CACNA1C: variants seen among roughly 807,000 people sequenced by gnomAD.
CACNA1C encodes voltage-dependent L-type calcium channel subunit alpha-1C.
A neutral mutation model predicts 229.0 loss-of-function variants in CACNA1C; 30 were observed. The observed-to-expected ratio is 0.13, with a 90% confidence interval of 0.10 to 0.18. The LOEUF (loss-of-function observed/expected upper bound fraction) is 0.18. Among genes scored for constraint, CACNA1C ranks in the 10% least tolerant of loss-of-function variants. The pLI is 1.00. For missense variants in CACNA1C, 1,658 were observed against 2,845.0 expected (o/e 0.58, Z 9.49); for synonymous variants, 1,114 against 1,132.5 (o/e 0.98, Z 0.33).
intron 3 of CACNA1C, among the ~76,000 whole-genome samples, chr12:2,256,047 C>CAATCACACTATCCTGACCTGACTAG (rs2077475642): frequency 5.3e-5 from 1 of 18,932 alleles, no homozygotes; most frequent in Non-Finnish European, 1.3e-4. Flanking sequence ...GACCTGACTA[C>CAATCACACTATCCTGACCTGACTAG]TTTACAATCA....
chr12:2,384,258 G>A (rs901120472), intron 3 of CACNA1C, among the ~76,000 whole-genome samples: 1 of 152,182 alleles, frequency 6.6e-6, no homozygotes, highest in African/African-American at 2.4e-5. Flanking sequence ...TCATATTCTC[G>A]AAGATGTTTG....
intron 11 of CACNA1C, among the ~76,000 whole-genome samples, chr12:2,562,599 A>C (rs193051656): frequency 6.6e-6 from 1 of 152,330 alleles, no homozygotes; most frequent in Admixed American, 6.5e-5. Flanking sequence ...GTCGCCTCTC[A>C]AGAGGACCAT....
At chr12:2,387,536 CGAAA>C (rs145897152) in intron 3 of CACNA1C, among the ~76,000 whole-genome samples, 2,231 of 150,252 alleles carry the variant, frequency 0.015, 19 homozygotes, top group African/African-American at 0.026. Flanking sequence ...GAACTAAGAG[CGAAA>C]GAAAGAAAGA....
At chr12:2,081,397 C>T (rs1303001325) in intron 1 of CACNA1C, among the ~76,000 whole-genome samples, 3 of 152,148 alleles carry the variant, frequency 2.0e-5, no homozygotes, top group South Asian at 4.2e-4. Flanking sequence ...AGTGAAACCC[C>T]GTCTCTACTA....
chr12:2,164,131 T>C (rs1401762122), intron 3 of CACNA1C, among the ~76,000 whole-genome samples: 1 of 152,194 alleles, frequency 6.6e-6, no homozygotes, highest in Non-Finnish European at 1.5e-5. Flanking sequence ...CCAGAATGTA[T>C]GTGACCTCAT....
chr12:2,332,061 C>T (rs1182483834), intron 3 of CACNA1C, among the ~76,000 whole-genome samples: 1 of 152,156 alleles, frequency 6.6e-6, no homozygotes. Flanking sequence ...TTATTTTGCT[C>T]ATCACAGTAT....
chr12:2,279,898 C>T (rs1029701579), intron 3 of CACNA1C, among the ~76,000 whole-genome samples: 6 of 152,182 alleles, frequency 3.9e-5, no homozygotes, highest in African/African-American at 1.4e-4. Context: ...ACATGAGCAT[C>T]TGAGGATTTG....
chr12:2,628,251 C>T (rs1236341281), intron 29 of CACNA1C, among the ~76,000 whole-genome samples: 1 of 152,192 alleles, frequency 6.6e-6, no homozygotes, highest in Non-Finnish European at 1.5e-5. Context: ...CTGTAACAGA[C>T]AGAAAATGGG....
intron 3 of CACNA1C, among the ~76,000 whole-genome samples, chr12:2,344,502 T>C (rs147350498): frequency 1.1e-3 from 168 of 152,246 alleles, no homozygotes; most frequent in African/African-American, 3.7e-3. Flanking sequence ...ACCAAGCAAC[T>C]CTTTTTAAAA....
chr12:2,028,652 C>T (rs2047724248), intron 1 of CACNA1C, among the ~76,000 whole-genome samples: 1 of 152,178 alleles, frequency 6.6e-6, no homozygotes. Context: ...AGCACGTAGA[C>T]TCTGGACCTA....
Position 2,610,613 on chromosome 12 carries a change from A to G in CACNA1C, c.3631A>G (p.Lys1211Glu), listed in dbSNP as rs786205759. 1 of 1,614,156 alleles carries G rather than the reference A, an allele frequency of 6.2e-7. No individual in the cohort carries two copies. The highest frequency in any genetic ancestry group is 8.5e-7 in the Non-Finnish European group (1 of 1,180,004). The change falls in exon 28 of 47, where the codon AAA becomes GAA. Residue 1211 changes from lysine to glutamate, a missense_variant. Around this residue, in one of 20 missense-constraint regions of CACNA1C, gnomAD observed 67 missense variants for 106.4 expected, o/e 0.63. Coordinates refer to ENST00000399655, the MANE Select transcript of CACNA1C (RefSeq NM_000719.7). ...RYIPKNQHQYKVWYVVNSTYF... is the reference protein window; with the variant it reads ...RYIPKNQHQYEVWYVVNSTYF... Reference sequence around the variant, plus strand: ...CATCCCCAAGAACCAGCACCAGTACAAAGTGTGGTACGTGGTCAACTCCAC... The same window carrying G: ...CATCCCCAAGAACCAGCACCAGTACGAAGTGTGGTACGTGGTCAACTCCAC...
rs2051281669 is a variant in CACNA1C at position 2,566,909 on chromosome 12, G to A, written c.1669+327G>A. Among the ~76,000 whole-genome samples the A allele has an allele frequency of 6.6e-6, 1 of 152,216 alleles. No homozygotes were observed. The highest frequency in any genetic ancestry group is 2.4e-5 in the African/African-American group (1 of 41,444). On this transcript the variant is annotated intron_variant, in intron 12 of 46. Transcript: ENST00000399655. This position sits in a 1 kb window ranked among gnomAD's most constrained non-coding sequence, Gnocchi z 4.0. The stretch of plus-strand genomic sequence containing the variant: ...CTCCTGGCTGCCAACTCCCCAGCAT[G>A]GATTTTAAATACCTGGGGGCCTTCC...
chr12:2,416,509 G>A (rs2098905736), intron 3 of CACNA1C, among the ~76,000 whole-genome samples: 1 of 152,168 alleles, frequency 6.6e-6, no homozygotes, highest in African/African-American at 2.4e-5. Context: ...ATTTTATAGA[G>A]GGGAAACTAA....
chr12:2,549,860 G>A, intron 9 of CACNA1C, 83 bp from the exon 10 acceptor site: 2 of 959,936 alleles, frequency 2.1e-6, no homozygotes, highest in South Asian at 1.4e-5. Flanking sequence ...GTCTTGCGGT[G>A]GGCGTGTTGC....
At chr12:2,306,893 C>G (rs1451983071) in intron 3 of CACNA1C, among the ~76,000 whole-genome samples, 1 of 152,216 alleles carries the variant, frequency 6.6e-6, no homozygotes, top group Non-Finnish European at 1.5e-5. Context: ...CCTGTTTGCA[C>G]TGCCAGTGGC....
At position 2,588,189 on chromosome 12, in the gene CACNA1C, T is replaced by C. The variant is rs75406803; in HGVS notation, c.2530+2285T>C. Among the ~76,000 whole-genome samples, 19 of 152,340 alleles carry C rather than the reference T, an allele frequency of 1.2e-4. No individual in the cohort carries two copies. The East Asian group carries it at 3.3e-3, about 26-fold the overall frequency. On this transcript the variant is annotated intron_variant, in intron 18 of 46. Transcript: ENST00000399655. The stretch of plus-strand genomic sequence containing the variant: ...TCTGTTCTGGTCAATCTCTGGTTCC[T>C]TCCTGCTTCTTGTTCTCCCGAACCA...
intron 1 of CACNA1C, among the ~76,000 whole-genome samples, chr12:2,058,161 G>A (rs1189550799): frequency 6.6e-6 from 1 of 152,106 alleles, no homozygotes; most frequent in Non-Finnish European, 1.5e-5. Context: ...AGTTCCATGA[G>A]GTCTGAGAAG....
At chr12:2,207,052 C>T (rs760923148) in intron 3 of CACNA1C, among the ~76,000 whole-genome samples, 7 of 152,196 alleles carry the variant, frequency 4.6e-5, no homozygotes, top group East Asian at 3.9e-4. Context: ...GTGTAGAGCC[C>T]GTCGAGTGTC....
intron 3 of CACNA1C, among the ~76,000 whole-genome samples, chr12:2,404,914 C>T (rs545829336): frequency 6.6e-6 from 1 of 151,828 alleles, no homozygotes; most frequent in Non-Finnish European, 1.5e-5. Context: ...TTTCTGACTT[C>T]TTCTCAAATT....
Sources: gnomAD v4.1 joint callset for allele counts (sites outside exome capture counted in the v4.1 genomes callset) on GRCh38, gnomAD v4.1.1 for gene constraint, gnomAD v4.1.1 regional missense constraint, Gnocchi (gnomAD v3.1) non-coding constraint, MANE v1.5 for transcripts, NCBI Gene and HGNC (gene_info 2026-07-23, HGNC 2026-07-21) for gene names.